ALK: variants seen among roughly 807,000 people sequenced by gnomAD.
ALK encodes the protein ALK receptor tyrosine kinase.
Under a neutral mutation model 163.1 loss-of-function variants are expected in ALK, and 74 were observed. The ratio of observed to expected loss-of-function variants is 0.45; its 90% CI spans 0.38 to 0.55. The LOEUF (loss-of-function observed/expected upper bound fraction) is 0.55. Among genes scored for constraint, ALK ranks in the 20% least tolerant of loss-of-function variants. The probability of loss-of-function intolerance (pLI) is 0.00; values close to 1 mark genes in which losing one functional copy is unlikely to be tolerated. For synonymous variants in ALK, 960 were observed against 843.2 expected, an observed-to-expected ratio of 1.14 and a Z score of -2.40; for missense variants, 2,063 against 2,105.3, an observed-to-expected ratio of 0.98 and a Z score of 0.39.
At chr2:29,781,956 G>C (rs1018446801) in intron 1 of ALK, among the ~76,000 whole-genome samples, 1 of 152,146 alleles carries the variant, frequency 6.6e-6, no homozygotes, top group Admixed American at 6.5e-5. Flanking sequence ...CAAAAGCCCA[G>C]GAGTCAAGTT....
intron 5 of ALK, among the ~76,000 whole-genome samples, chr2:29,341,393 C>G (rs927440802): frequency 6.6e-6 from 1 of 152,162 alleles, no homozygotes; most frequent in African/African-American, 2.4e-5. Context: ...CTGGGAGCCA[C>G]CATACATGGA....
At chr2:29,600,241 C>T (rs1239661203) in intron 3 of ALK, among the ~76,000 whole-genome samples, 1 of 152,138 alleles carries the variant, frequency 6.6e-6, no homozygotes, top group Non-Finnish European at 1.5e-5. Context: ...ATTCTCAAGC[C>T]TGTGGGAGAG....
rs949481041 is a variant in ALK, at chr2:29,460,393, C to G, written c.1154+71522G>C. On this transcript the variant is annotated intron_variant, in intron 4 of 28. Transcript: ENST00000389048. ...CATAAGTCATATACACATGCAGGCA[C>G]GCCTTGTTTTATTGCACTTCACAGA... Among the ~76,000 whole-genome samples, 3 of 152,214 alleles carry G rather than the reference C, an allele frequency of 2.0e-5. No homozygotes were observed. The East Asian group carries it at 5.8e-4, about 29-fold the overall frequency.
chr2:29,431,939 C>G (rs556017785), intron 4 of ALK, among the ~76,000 whole-genome samples: 1 of 151,924 alleles, frequency 6.6e-6, no homozygotes, highest in Admixed American at 6.6e-5. Flanking sequence ...CGTCCCGTCC[C>G]GTCCAGTCCC....
chr2:29,646,556 C>T (rs980098778), intron 3 of ALK, among the ~76,000 whole-genome samples: 1 of 152,100 alleles, frequency 6.6e-6, no homozygotes, highest in Non-Finnish European at 1.5e-5. Context: ...TACAGCCTGC[C>T]CTGAAGCCTC....
intron 4 of ALK, among the ~76,000 whole-genome samples, chr2:29,454,537 G>A (rs1169118210): frequency 6.6e-6 from 1 of 152,136 alleles, no homozygotes; most frequent in Non-Finnish European, 1.5e-5. Context: ...AGATCTGATT[G>A]TATATGCTGT....
chr2:29,351,647 A>C (rs1668117953), intron 5 of ALK, among the ~76,000 whole-genome samples: 2 of 152,220 alleles, frequency 1.3e-5, no homozygotes, highest in Non-Finnish European at 2.9e-5. Context: ...AAATCTGATC[A>C]AACACATGGA....
intron 3 of ALK, among the ~76,000 whole-genome samples, chr2:29,678,553 G>A (rs577156491): frequency 3.3e-5 from 5 of 151,004 alleles, no homozygotes; most frequent in African/African-American, 1.2e-4. Context: ...TTTTTTCTTT[G>A]ATGTTTATTT....
chr2:29,461,112 G>T (rs1296087783), intron 4 of ALK, among the ~76,000 whole-genome samples: 1 of 152,200 alleles, frequency 6.6e-6, no homozygotes, highest in Non-Finnish European at 1.5e-5. Flanking sequence ...CAAGAACAAG[G>T]CTCTAACTCT....
intron 4 of ALK, among the ~76,000 whole-genome samples, chr2:29,474,892 T>C (rs902840108): frequency 6.6e-6 from 1 of 152,178 alleles, no homozygotes; most frequent in African/African-American, 2.4e-5. Flanking sequence ...ACAAATTATC[T>C]ACTGCGAGGC....
At chr2:29,813,618 G>C (rs2148373175) in intron 1 of ALK, among the ~76,000 whole-genome samples, 1 of 152,294 alleles carries the variant, frequency 6.6e-6, no homozygotes, top group Admixed American at 6.5e-5. Flanking sequence ...ATGGGTGTCT[G>C]TTTCTTTATA....
intron 11 of ALK, among the ~76,000 whole-genome samples, chr2:29,269,525 C>A (rs1665321957): frequency 6.6e-6 from 1 of 152,112 alleles, no homozygotes; most frequent in Admixed American, 6.5e-5. Context: ...GGAGACACAC[C>A]CAAATGAATA....
At chr2:29,752,636 C>T (rs1345472302) in intron 1 of ALK, among the ~76,000 whole-genome samples, 2 of 152,126 alleles carry the variant, frequency 1.3e-5, no homozygotes, top group Non-Finnish European at 1.5e-5. Context: ...GCGTGAGCCA[C>T]CGCGCCCGGC....
At chr2:29,554,858 C>T (rs1673805695) in intron 3 of ALK, among the ~76,000 whole-genome samples, 1 of 152,122 alleles carries the variant, frequency 6.6e-6, no homozygotes, top group Admixed American at 6.5e-5. Flanking sequence ...CAGCCCAACC[C>T]CACCAAAACC....
At chr2:29,699,098 G>A (rs984047028) in intron 2 of ALK, among the ~76,000 whole-genome samples, 1 of 152,140 alleles carries the variant, frequency 6.6e-6, no homozygotes, top group African/African-American at 2.4e-5. Flanking sequence ...TTCCAACTCA[G>A]TGCCTATGAG....
intron 1 of ALK, among the ~76,000 whole-genome samples, chr2:29,898,157 C>A (rs541299670): frequency 6.6e-6 from 1 of 152,234 alleles, no homozygotes; most frequent in African/African-American, 2.4e-5. Flanking sequence ...TTCCTGCCAC[C>A]TTCCCCAGCC....
Position 29,779,743 on chromosome 2 carries a change from A to G in ALK, c.668-62046T>C, listed in dbSNP as rs565517434. 2.8e-4 allele frequency among the ~76,000 whole-genome samples: 43 copies of G among 152,358 alleles called. No homozygotes were observed. The South Asian group carries it at 7.5e-3, about 26-fold the overall frequency. On this transcript the variant is annotated intron_variant, in intron 1 of 28. Transcript: ENST00000389048. ...TTTAATTGCCAAATATTGGGCTTTA[A>G]AAACCAATCAAGTATAGAAGGTAAC...
intron 24 of ALK, among the ~76,000 whole-genome samples, chr2:29,213,401 A>T (rs896652908): frequency 6.6e-6 from 1 of 152,230 alleles, no homozygotes; most frequent in Non-Finnish European, 1.5e-5. Flanking sequence ...TCCAACAAAC[A>T]TTGTGTCTAT....
intron 9 of ALK, among the ~76,000 whole-genome samples, chr2:29,275,720 C>A (rs1393122628): frequency 6.6e-6 from 1 of 152,212 alleles, no homozygotes; most frequent in Non-Finnish European, 1.5e-5. Context: ...TAATGGCTGA[C>A]ACACTGGTCC....
Sources: allele counts gnomAD v4.1 joint callset (sites outside exome capture counted in the v4.1 genomes callset), GRCh38; gene constraint gnomAD v4.1.1; transcripts MANE v1.5; gene names NCBI Gene and HGNC (gene_info 2026-07-23, HGNC 2026-07-21).